Variants in DNAJC10 observed in about 807,000 individuals in gnomAD.
The protein encoded by DNAJC10 is DnaJ heat shock protein family (Hsp40) member C10, also known as endoplasmic reticulum disulfide reductase DNAJC10.
In DNAJC10, 101 loss-of-function variants were observed where a neutral mutation model predicts 115.0. The ratio of observed to expected loss-of-function variants is 0.88; its 90% confidence interval spans 0.75 to 1.04. The LOEUF (loss-of-function observed/expected upper bound fraction) is 1.04, where lower values mean the gene tolerates loss of function less well. DNAJC10 is among the 50% of genes least tolerant of loss of function. DNAJC10 has a pLI of 0.00. For synonymous variants in DNAJC10, 307 were observed against 301.5 expected (o/e 1.02, Z -0.19); for missense variants, 981 against 928.8 (o/e 1.06, Z -0.73).
intron 22 of DNAJC10, among the ~76,000 whole-genome samples, chr2:182,768,756 G>T (rs1694480777): frequency 6.6e-6 from 1 of 152,134 alleles, no homozygotes; most frequent in Non-Finnish European, 1.5e-5. Flanking sequence ...ACTGTTGTTG[G>T]TCATGGTTGG....
intron 4 of DNAJC10, among the ~76,000 whole-genome samples, chr2:182,721,495 C>T (rs1301875999): frequency 6.6e-6 from 1 of 152,112 alleles, no homozygotes; most frequent in African/African-American, 2.4e-5. Flanking sequence ...TTTGTGTCTG[C>T]CTCTGCAAAT....
At chr2:182,718,619 T>C (rs1376822598) in intron 3 of DNAJC10, among the ~76,000 whole-genome samples, 1 of 152,232 alleles carries the variant, frequency 6.6e-6, no homozygotes, top group Non-Finnish European at 1.5e-5. Context: ...TCAAGTGTTT[T>C]AGAACAGGAA....
intron 14 of DNAJC10, among the ~76,000 whole-genome samples, chr2:182,747,961 G>A (rs1217820039): frequency 1.3e-5 from 2 of 151,010 alleles, no homozygotes; most frequent in Non-Finnish European, 3.0e-5. Flanking sequence ...TTTTGTCAAA[G>A]GCCTTTTCTG....
chr2:182,745,952 T>C (rs541488342), intron 14 of DNAJC10, among the ~76,000 whole-genome samples: 1 of 152,212 alleles, frequency 6.6e-6, no homozygotes, highest in African/African-American at 2.4e-5. Flanking sequence ...GTGTTCTCAT[T>C]GTTCAATTCC....
intron 4 of DNAJC10, 27 bp downstream of exon 4, chr2:182,720,196 A>G (rs1693115807): frequency 1.3e-6 from 2 of 1,572,380 alleles, no homozygotes; most frequent in Admixed American, 1.9e-5. Flanking sequence ...TTACTTATGA[A>G]ATGTGTTTTA....
At chr2:182,767,603 G>C (rs1270820888) in intron 22 of DNAJC10, among the ~76,000 whole-genome samples, 1 of 152,162 alleles carries the variant, frequency 6.6e-6, no homozygotes, top group East Asian at 1.9e-4. Context: ...ACCACTTGCA[G>C]AGCTTATAGC....
chr2:182,749,750 A>G (rs1260596350), intron 14 of DNAJC10, among the ~76,000 whole-genome samples: 1 of 152,216 alleles, frequency 6.6e-6, no homozygotes, highest in Non-Finnish European at 1.5e-5. Flanking sequence ...ATTGCTTAGT[A>G]GTAAATTACC....
In DNAJC10 at chr2:182,790,308, C is replaced by G. The variant is rs565324781; in HGVS notation, c.*13176C>G. On this transcript the variant is annotated 3_prime_UTR_variant, in exon 24 of 24. Transcript: ENST00000264065. ...AAGATTTGCTGAAGTACTTTGGGTGCTAAATGCTTCTAGCTTATTCGTTTA... is the reference window on the plus strand; with the variant it reads ...AAGATTTGCTGAAGTACTTTGGGTGGTAAATGCTTCTAGCTTATTCGTTTA... The G allele has an allele frequency of 5.3e-5, 8 of 152,286 alleles. No individual in the cohort carries two copies. The South Asian group carries it at 1.7e-3, about 32-fold the overall frequency. The allele number at this position is 152,286 out of a possible 1,614,324, so 9.4% of individuals were successfully genotyped here. A position where few individuals can be genotyped will look rare whatever the true frequency, so the allele number is the denominator to read the frequency against.
At chr2:182,736,866 C>T (rs2105637138) in intron 11 of DNAJC10, among the ~76,000 whole-genome samples, 1 of 152,294 alleles carries the variant, frequency 6.6e-6, no homozygotes, top group East Asian at 1.9e-4. Context: ...TCTTCTGCCT[C>T]AGCCTCCTGA....
Position 182,722,095 on chromosome 2 carries a change from G to A in DNAJC10, c.418+20G>A. On this transcript the variant is annotated intron_variant, in intron 5 of 23. Transcript: ENST00000264065. ...AATTTGGTAAGTTTGTGGGCTTAAG[G>A]TTTTATAAAACTAATACAAGTTCGA... 6.5e-7 allele frequency: 1 copy of A among 1,531,432 alleles called. No homozygotes were observed. The highest frequency in any genetic ancestry group is 8.9e-7 in the Non-Finnish European group (1 of 1,128,248). The allele number at this position is 1,531,432 out of a possible 1,614,324, so 94.9% of individuals were successfully genotyped here.
At chr2:182,773,231 G>A (rs1215350128) in intron 22 of DNAJC10, among the ~76,000 whole-genome samples, 2 of 152,146 alleles carry the variant, frequency 1.3e-5, no homozygotes, top group African/African-American at 2.4e-5. Context: ...CCCTTTGAGG[G>A]TAACTCGACC....
chr2:182,736,447 AC>A (rs1489719044), intron 11 of DNAJC10, 61 bp downstream of exon 11: 3 of 1,222,490 alleles, frequency 2.5e-6, no homozygotes, highest in Admixed American at 3.1e-5. Flanking sequence ...CAAAAATAAT[AC>A]ATTATTTTTG....
At chr2:182,717,410 G>T (rs1369844449) in intron 2 of DNAJC10, among the ~76,000 whole-genome samples, 3 of 152,156 alleles carry the variant, frequency 2.0e-5, no homozygotes, top group Non-Finnish European at 4.4e-5. Context: ...CCGGGAAGAA[G>T]ATCGACTGCT....
chr2:182,732,574 A>G, intron 10 of DNAJC10, 32 bp downstream of exon 10: 1 of 1,601,520 alleles, frequency 6.2e-7, no homozygotes, highest in South Asian at 1.1e-5. Flanking sequence ...AAACTATATC[A>G]CCATGTAAAG....
At position 182,755,022 on chromosome 2, in the gene DNAJC10, C is replaced by T. The variant is rs1406900020; in HGVS notation, c.1571C>T (p.Pro524Leu). 1 of 1,603,306 alleles carries T rather than the reference C, an allele frequency of 6.2e-7. No individual in the cohort carries two copies. The highest frequency in any genetic ancestry group is 8.5e-7 in the Non-Finnish European group (1 of 1,170,486). The part of the protein sequence containing the change: ...LCNMYNIQAY[P>L]TTVVFNQSNI... Reference sequence around the variant, plus strand: ...TATCAGTATAACATTCAGGCTTATCCAACAACAGTGGTATTCAACCAGTCC... The same window carrying T: ...TATCAGTATAACATTCAGGCTTATCTAACAACAGTGGTATTCAACCAGTCC... The change falls in exon 17 of 24, where the codon CCA (proline) becomes CTA (leucine). Residue 524 changes from proline (P) to leucine (L), a missense_variant. Physicochemically the swap from Pro to Leu is moderately conservative, Grantham distance 98 (BLOSUM62 -3). Coordinates refer to ENST00000264065, the MANE Select transcript of DNAJC10 (RefSeq NM_018981.4).
intron 14 of DNAJC10, among the ~76,000 whole-genome samples, chr2:182,749,982 T>C (rs1285689110): frequency 6.6e-6 from 1 of 152,210 alleles, no homozygotes; most frequent in Non-Finnish European, 1.5e-5. Context: ...TCACTGGCTG[T>C]TGGCAGAGGC....
chr2:182,729,103 A>C, intron 7 of DNAJC10, 109 bp downstream of exon 7: 1 of 1,166,944 alleles, frequency 8.6e-7, no homozygotes, highest in Admixed American at 2.1e-5. Flanking sequence ...GTCTTGTTTT[A>C]CAAGGTGCCA....
In DNAJC10 at chr2:182,781,181, T is replaced by C. The variant is rs1048070679; in HGVS notation, c.*4049T>C. ...CCCTCCCTGTGTCCATATGTTCTCA[T>C]TGTTCAACTCCCACTTACGAGTGAC... On this transcript the variant is annotated 3_prime_UTR_variant, in exon 24 of 24. Coordinates refer to ENST00000264065, the MANE Select transcript of DNAJC10 (RefSeq NM_018981.4). 2.0e-5 allele frequency: 3 copies of C among 152,058 alleles called. No homozygotes were observed. Among genetic ancestry groups the C allele is most frequent in the Non-Finnish European group, 2.9e-5 (2 of 68,018 alleles). The allele number at this position is 152,058 out of a possible 1,614,324, so 9.4% of individuals were successfully genotyped here.
chr2:182,728,437 A>G (rs2105619806), intron 5 of DNAJC10, 139 bp from the exon 6 acceptor site: 1 of 559,850 alleles, frequency 1.8e-6, no homozygotes, highest in Non-Finnish European at 3.0e-6. Context: ...ATAGAAAAAC[A>G]TCACACAGAA....
Sources: gnomAD v4.1 joint callset for allele counts (sites outside exome capture counted in the v4.1 genomes callset) on GRCh38, gnomAD v4.1.1 for gene constraint, MANE v1.5 for transcripts, NCBI Gene and HGNC (gene_info 2026-07-23, HGNC 2026-07-21) for gene names.